Variants in DSP observed in about 807,000 individuals in gnomAD.
DSP encodes the protein 250/210 kDa paraneoplastic pemphigus antigen.
A neutral mutation model predicts 290.6 loss-of-function variants in DSP; 114 were observed. That is an observed-to-expected ratio of 0.39 (90% CI 0.34 to 0.46). The LOEUF (loss-of-function observed/expected upper bound fraction) is 0.46, where lower values mean the gene tolerates loss of function less well. Among genes scored for constraint, DSP ranks in the 20% least tolerant of loss-of-function variants. DSP has a pLI of 0.99. For synonymous variants in DSP, 1,311 were observed against 1,316.4 expected, an observed-to-expected ratio of 1.00 and a Z score of 0.09; for missense variants, 3,230 against 3,495.8, an observed-to-expected ratio of 0.92 and a Z score of 1.92.
At chr6:7,554,416 C>T (rs1758442607) in intron 1 of DSP, among the ~76,000 whole-genome samples, 1 of 152,154 alleles carries the variant, frequency 6.6e-6, no homozygotes. Context: ...TTTCCGCCAA[C>T]ACCACCGTTG....
chr6:7,583,811 C>T lies in DSP; in HGVS notation c.6549C>T (p.Tyr2183=), dbSNP rs771461040. The T allele has an allele frequency of 1.2e-5, 19 of 1,613,966 alleles. No individual in the cohort carries two copies. Among genetic ancestry groups the T allele is most frequent in the South Asian group, 2.2e-5 (2 of 91,070 alleles). Residue 2183 remains tyrosine, a synonymous_variant, in exon 24 of 24, where the codon TAC becomes TAT. Transcript: ENST00000379802. The surrounding 1 kb of genome is among the most constrained non-coding windows in gnomAD (Gnocchi z 4.0). ...VDPVTKKKVS[Y]VQLKERCRIE... Reference sequence around the variant, plus strand: ...CAGTCACCAAAAAGAAGGTCAGTTACGTGCAGCTGAAGGAACGGTGCAGAA... The same window carrying T: ...CAGTCACCAAAAAGAAGGTCAGTTATGTGCAGCTGAAGGAACGGTGCAGAA...
Position 7,580,943 on chromosome 6 carries a change from T to G in DSP, c.4753T>G (p.Ser1585Ala). 1 of 1,613,932 alleles carries G rather than the reference T, an allele frequency of 6.2e-7. No homozygotes were observed. The highest frequency in any genetic ancestry group is 1.3e-5 in the African/African-American group (1 of 74,970). ...GCTGAATCGGCTGAAGAGGACCGCG[T>G]CAGAAGACTCCTGCAAGAGGAAGAA... ...EELNRLKRTA[S>A]EDSCKRKKLE... Residue 1585 changes from serine to alanine, a missense_variant, in exon 23 of 24, where the codon TCA becomes GCA. Around this residue, in one of 5 missense-constraint regions of DSP, gnomAD observed 1,714 missense variants for 1,844.5 expected, o/e 0.93. Coordinates refer to ENST00000379802, the MANE Select transcript of DSP (RefSeq NM_004415.4). This position sits in a 1 kb window ranked among gnomAD's most constrained non-coding sequence, Gnocchi z 4.2.
At chr6:7,568,380 C>G in intron 10 of DSP, 57 bp from the exon 11 acceptor site, 1 of 1,591,424 alleles carries the variant, frequency 6.3e-7, no homozygotes, top group Non-Finnish European at 8.6e-7. Context: ...GGTTGAAAAT[C>G]TCCTCTAAAA....
chr6:7,582,599 T>G lies in DSP; in HGVS notation c.5380-43T>G, dbSNP rs774961464. Reference sequence around the variant, plus strand: ...AGTCGTGATAGTAATATGATATGATTCAAAACATTATTTTTTCCCATTTCT... The same window carrying G: ...AGTCGTGATAGTAATATGATATGATGCAAAACATTATTTTTTCCCATTTCT... On this transcript the variant is annotated intron_variant, in intron 23 of 23. Coordinates refer to ENST00000379802, the MANE Select transcript of DSP (RefSeq NM_004415.4). The surrounding 1 kb of genome is among the most constrained non-coding windows in gnomAD (Gnocchi z 4.2). The G allele has an allele frequency of 6.5e-7, 1 of 1,529,072 alleles. No individual in the cohort carries two copies. Among genetic ancestry groups the G allele is most frequent in the Admixed American group, 1.7e-5 (1 of 59,732 alleles). The allele number at this position is 1,529,072 out of a possible 1,614,324, so 94.7% of individuals were successfully genotyped here.
chr6:7,558,885 A>G (rs114380797), intron 3 of DSP, among the ~76,000 whole-genome samples: 2 of 152,154 alleles, frequency 1.3e-5, no homozygotes, highest in African/African-American at 4.8e-5. Flanking sequence ...ACTATAAGGC[A>G]GAAAAATGTA....
chr6:7,542,904 A>C (rs375525686), intron 1 of DSP, among the ~76,000 whole-genome samples: 72 of 138,442 alleles, frequency 5.2e-4, no homozygotes, highest in Middle Eastern at 3.6e-3. Flanking sequence ...CGCCGGCCGC[A>C]TGTCTGCTTT....
intron 2 of DSP, among the ~76,000 whole-genome samples, chr6:7,557,006 C>T (rs533274472): frequency 1.1e-4 from 17 of 152,102 alleles, no homozygotes; most frequent in Admixed American, 2.6e-4. Flanking sequence ...TTTATTTTTG[C>T]TTATATGCAT....
At position 7,583,774 on chromosome 6, in the gene DSP, A is replaced by T; in HGVS notation, c.6512A>T (p.Asn2171Ile). 6.2e-7 allele frequency: 1 copy of T among 1,614,060 alleles called. No individual in the cohort carries two copies. The highest frequency in any genetic ancestry group is 8.5e-7 in the Non-Finnish European group (1 of 1,179,996). ...SLNDPRDSQK[N>I]FVDPVTKKKV... ...AATGATCCCCGAGATAGTCAGAAAA[A>T]CTTTGTGGATCCAGTCACCAAAAAG... Residue 2171 changes from asparagine (N) to isoleucine (I), a missense_variant, in exon 24 of 24, where the codon AAC becomes ATC. This residue lies in a region of DSP where 1,714 missense variants were observed against 1,844.5 expected (regional missense o/e 0.93). Coordinates refer to ENST00000379802, the MANE Select transcript of DSP (RefSeq NM_004415.4). The surrounding 1 kb of genome is among the most constrained non-coding windows in gnomAD (Gnocchi z 4.0).
rs1757989474 is a variant in DSP, at chr6:7,541,929, G to C, written c.14G>C (p.Gly5Ala). 1.2e-6 allele frequency: 2 copies of C among 1,609,232 alleles called. No individual in the cohort carries two copies. The highest frequency in any genetic ancestry group is 3.3e-5 in the Admixed American group (2 of 59,790). MSCN[G>A]GSHPRINTLG... ...TTGCCCGCCGACATGAGCTGCAACG[G>C]AGGCTCCCACCCGCGGATCAACACT... Residue 5 changes from glycine (G) to alanine (A), a missense_variant, in exon 1 of 24, where the codon GGA becomes GCA. Transcript: ENST00000379802.
chr6:7,581,076 G>T lies in DSP; in HGVS notation c.4886G>T (p.Ser1629Ile), dbSNP rs200243976. The stretch of plus-strand genomic sequence containing the variant: ...CAGGCATCCATTGTTAAGAAGAGGA[G>T]TGAGGATGACCTCCGGCAGCAGAGG... ...LEQASIVKKR[S>I]EDDLRQQRDV... is the part of the protein sequence containing the mutation. The change falls in exon 23 of 24, where the codon AGT becomes ATT. Residue 1629 changes from serine to isoleucine, a missense_variant. By Grantham distance (142) the Ser-to-Ile change is moderately radical. Coordinates refer to ENST00000379802, the MANE Select transcript of DSP (RefSeq NM_004415.4). The T allele has an allele frequency of 1.2e-4, 196 of 1,614,082 alleles. No individual in the cohort carries two copies. The East Asian group carries it at 4.3e-3, about 36-fold the overall frequency.
rs1295277764 is a variant in DSP, at chr6:7,568,473, G to A, written c.1303G>A (p.Val435Met). The change falls in exon 11 of 24, where the codon GTG becomes ATG. Residue 435 changes from valine (V) to methionine (M), a missense_variant. Around this residue, in one of 5 missense-constraint regions of DSP, gnomAD observed 646 missense variants for 684.3 expected, o/e 0.94. Transcript: ENST00000379802. Reference protein sequence around the residue: ...REKILEYKRQVQNLVNKSKKI... With the variant: ...REKILEYKRQMQNLVNKSKKI... ...GAAAATCCTTGAATACAAGCGTCAGGTGCAGAACTTGGTAAACAAGTCTAA... is the reference window on the plus strand; with the variant it reads ...GAAAATCCTTGAATACAAGCGTCAGATGCAGAACTTGGTAAACAAGTCTAA... The A allele has an allele frequency of 3.7e-6, 6 of 1,613,984 alleles. No individual in the cohort carries two copies. The African/African-American group carries it at 6.7e-5, about 18-fold the overall frequency.
chr6:7,541,684 G>T lies in DSP; in HGVS notation c.-232G>T, dbSNP rs1208398916. On this transcript the variant is annotated 5_prime_UTR_variant, in exon 1 of 24. Coordinates refer to ENST00000379802, the MANE Select transcript of DSP (RefSeq NM_004415.4). ...TCCGACGCAGCTCCTCTGCGCCCTTGCCGCCCTCCGAGCCACAGCTTTCCT... is the reference window on the plus strand; with the variant it reads ...TCCGACGCAGCTCCTCTGCGCCCTTTCCGCCCTCCGAGCCACAGCTTTCCT... 2 of 567,402 alleles carry T rather than the reference G, an allele frequency of 3.5e-6. No homozygotes were observed. The highest frequency in any genetic ancestry group is 4.5e-5 in the South Asian group (2 of 44,044). 35.1% of individuals were successfully genotyped at this position (567,402 alleles called of 1,614,324 possible). A position where few individuals can be genotyped will look rare whatever the true frequency, so the allele number is the denominator to read the frequency against.
Position 7,576,400 on chromosome 6 carries a change from G to C in DSP, c.2737G>C (p.Glu913Gln). Residue 913 changes from glutamate (E) to glutamine (Q), a missense_variant, in exon 19 of 24, where the codon GAA (glutamate) becomes CAA (glutamine). Transcript: ENST00000379802. The stretch of plus-strand genomic sequence containing the variant: ...TGCTAAACGCCGCCAGGATTCCTTA[G>C]AATCCATGAAATTTGGAGATTCCAA... ...YDAKRRQDSL[E>Q]SMKFGDSNTV... 1 of 1,614,128 alleles carries C rather than the reference G, an allele frequency of 6.2e-7. No individual in the cohort carries two copies.
At chr6:7,573,845 A>T (rs916794687) in intron 15 of DSP, among the ~76,000 whole-genome samples, 4 of 152,230 alleles carry the variant, frequency 2.6e-5, no homozygotes, top group Non-Finnish European at 4.4e-5. Flanking sequence ...ATTCAGCGCA[A>T]GACTACAGGT....
intron 19 of DSP, among the ~76,000 whole-genome samples, chr6:7,576,749 C>G (rs1416712952): frequency 1.3e-5 from 2 of 152,162 alleles, no homozygotes; most frequent in Non-Finnish European, 2.9e-5. Flanking sequence ...AAAGTAACCT[C>G]TTACAGATAG....
Position 7,585,004 on chromosome 6 carries a change from T to A in DSP, c.7742T>A (p.Val2581Asp). ...ATGGGCAGTGGTGTCAGCGATGATG[T>A]TTTTAGCAGCTCCCGACATGAATCA... ...SSMGSGVSDDVFSSSRHESVS... is the reference protein window; with the variant it reads ...SSMGSGVSDDDFSSSRHESVS... The change falls in exon 24 of 24, where the codon GTT becomes GAT. Residue 2581 changes from valine to aspartate, a missense_variant. Physicochemically the swap from Val to Asp is radical, Grantham distance 152. This residue lies in a region of DSP where 582 missense variants were observed against 555.4 expected (regional missense o/e 1.05). Transcript: ENST00000379802. The A allele has an allele frequency of 6.2e-7, 1 of 1,614,126 alleles. No individual in the cohort carries two copies.
chr6:7,572,257 C>T (rs976300779), intron 15 of DSP, among the ~76,000 whole-genome samples, 189 bp downstream of exon 15: 2 of 152,196 alleles, frequency 1.3e-5, no homozygotes, highest in African/African-American at 4.8e-5. Flanking sequence ...GGGGGTTAAA[C>T]TGTTCGTTTG....
chr6:7,552,882 A>G (rs917650705), intron 1 of DSP, among the ~76,000 whole-genome samples: 1 of 150,766 alleles, frequency 6.6e-6, no homozygotes, highest in Admixed American at 6.6e-5. Flanking sequence ...ACTGTGGTAT[A>G]ACTAATCAGT....
At position 7,580,834 on chromosome 6, in the gene DSP, G is replaced by A. The variant is rs1275385323; in HGVS notation, c.4644G>A (p.Glu1548=). 6.2e-7 allele frequency: 1 copy of A among 1,614,176 alleles called. No individual in the cohort carries two copies. Among genetic ancestry groups the A allele is most frequent in the Non-Finnish European group, 8.5e-7 (1 of 1,180,036 alleles). ...LRIDYERVSQ[E]RTVKDQDITR... is the part of the protein sequence containing the mutation. ...TCGACTATGAAAGGGTTTCCCAGGA[G>A]AGGACTGTGAAGGACCAGGATATCA... Residue 1548 remains glutamate (E), a synonymous_variant, in exon 23 of 24, where the codon GAG becomes GAA. Coordinates refer to ENST00000379802, the MANE Select transcript of DSP (RefSeq NM_004415.4). This position sits in a 1 kb window ranked among gnomAD's most constrained non-coding sequence, Gnocchi z 4.2.
Sources: gnomAD v4.1 joint callset for allele counts (sites outside exome capture counted in the v4.1 genomes callset) on GRCh38, gnomAD v4.1.1 for gene constraint, gnomAD v4.1.1 regional missense constraint, Gnocchi (gnomAD v3.1) non-coding constraint, MANE v1.5 for transcripts, NCBI Gene and HGNC (gene_info 2026-07-23, HGNC 2026-07-21) for gene names.